XKR5: variants seen among roughly 807,000 people sequenced by gnomAD.
The protein encoded by XKR5 is XK-related protein 5.
XKR5 carries 46 observed loss-of-function variants against 40.8 expected under a neutral mutation model. The ratio of observed to expected loss-of-function variants is 1.13; its 90% CI spans 0.89 to 1.44. The LOEUF (loss-of-function observed/expected upper bound fraction) is 1.44, where lower values mean the gene tolerates loss of function less well. Ranked by LOEUF, XKR5 falls within the 40% of genes most tolerant of loss-of-function variation. XKR5 has a pLI of 0.00. For missense variants in XKR5, 1,169 were observed against 844.7 expected, an observed-to-expected ratio of 1.38 and a Z score of -4.76; for synonymous variants, 466 against 356.1, an observed-to-expected ratio of 1.31 and a Z score of -3.48.
chr8:6,811,129 T>C lies in XKR5; in HGVS notation c.*69A>G. The C allele has an allele frequency of 7.0e-7, 1 of 1,433,458 alleles. No homozygotes were observed. The highest frequency in any genetic ancestry group is 9.2e-7 in the Non-Finnish European group (1 of 1,082,928). 88.8% of individuals were successfully genotyped at this position (1,433,458 alleles called of 1,614,324 possible). On this transcript the variant is annotated 3_prime_UTR_variant, in exon 7 of 7. Transcript: ENST00000618742. ...GGACACAGGTGTCAGAAGTGGGATT[T>C]CCTTTCTCACGGTACCAAATGGCCA... is the stretch of plus-strand genomic sequence containing the variant.
intron 2 of XKR5, among the ~76,000 whole-genome samples, chr8:6,827,508 C>G (rs1804564308): frequency 6.6e-6 from 1 of 152,096 alleles, no homozygotes; most frequent in Non-Finnish European, 1.5e-5. Flanking sequence ...TGCTGAGATC[C>G]CAGGACAGAT....
chr8:6,825,894 C>T (rs1031719092), intron 2 of XKR5, among the ~76,000 whole-genome samples: 1 of 152,136 alleles, frequency 6.6e-6, no homozygotes, highest in Non-Finnish European at 1.5e-5. Context: ...TGGGGAGTGG[C>T]CAGAGGTCCA....
chr8:6,818,068 G>A (rs549212043), intron 5 of XKR5, among the ~76,000 whole-genome samples: 1 of 152,278 alleles, frequency 6.6e-6, no homozygotes, highest in South Asian at 2.1e-4. Flanking sequence ...ACTTGAAGGT[G>A]GGTTCAGTTC....
rs369265259 is a variant in XKR5, at chr8:6,811,993, G to A, written c.1266C>T (p.Ala422=). 1.1e-4 allele frequency: 163 copies of A among 1,537,150 alleles called. No individual in the cohort carries two copies. Among genetic ancestry groups the A allele is most frequent in the African/African-American group, 2.2e-4 (16 of 73,046 alleles). The change falls in exon 7 of 7, where the codon GCC becomes GCT. Residue 422 remains alanine, a synonymous_variant. Transcript: ENST00000618742. ...LKTGNVSKIN[A]AFGDNSPAYC... Reference sequence around the variant, plus strand: ...AGGCAGGACTGTTATCTCCAAAGGCGGCATTGATCTTAGACACATTTCCTG... The same window carrying A: ...AGGCAGGACTGTTATCTCCAAAGGCAGCATTGATCTTAGACACATTTCCTG...
At chr8:6,828,767 C>A (rs1184265088) in intron 2 of XKR5, among the ~76,000 whole-genome samples, 1 of 152,148 alleles carries the variant, frequency 6.6e-6, no homozygotes, top group African/African-American at 2.4e-5. Flanking sequence ...GCTCATTTGC[C>A]CATATTATTC....
intron 1 of XKR5, 75 bp downstream of exon 1, chr8:6,835,361 G>C: frequency 7.5e-7 from 1 of 1,333,530 alleles, no homozygotes; most frequent in South Asian, 1.8e-5. Flanking sequence ...GGCATAGGCA[G>C]CCTGTGCGGC....
chr8:6,821,094 G>A (rs1030113933), intron 5 of XKR5, among the ~76,000 whole-genome samples: 2 of 152,304 alleles, frequency 1.3e-5, no homozygotes, highest in Admixed American at 6.5e-5. Context: ...GAAAAAGTAG[G>A]TTCAGACAGT....
intron 5 of XKR5, 103 bp from the exon 6 acceptor site, chr8:6,816,021 G>A: frequency 1.2e-6 from 1 of 802,900 alleles, no homozygotes; most frequent in Non-Finnish European, 2.0e-6. Context: ...TCCATCCTGA[G>A]TGCCCACTGG....
chr8:6,821,498 T>A (rs1479234129), intron 5 of XKR5, among the ~76,000 whole-genome samples: 1 of 152,232 alleles, frequency 6.6e-6, no homozygotes, highest in Non-Finnish European at 1.5e-5. Context: ...GGGCCATGCC[T>A]GGATCTTATT....
At chr8:6,822,456 C>T (rs971856395) in intron 4 of XKR5, among the ~76,000 whole-genome samples, 1 of 152,064 alleles carries the variant, frequency 6.6e-6, no homozygotes, top group African/African-American at 2.4e-5. Flanking sequence ...AATTTTTATG[C>T]CCATATTTTA....
intron 6 of XKR5, among the ~76,000 whole-genome samples, chr8:6,813,501 T>C (rs1460394196): frequency 6.6e-6 from 1 of 152,170 alleles, no homozygotes; most frequent in Non-Finnish European, 1.5e-5. Context: ...CAGTTGGTAC[T>C]CAGTGAATAT....
At chr8:6,812,878 C>A (rs189031175) in intron 6 of XKR5, among the ~76,000 whole-genome samples, 3 of 152,298 alleles carry the variant, frequency 2.0e-5, no homozygotes, top group Admixed American at 6.5e-5. Flanking sequence ...TTTCCATGAA[C>A]AACAACAACA....
chr8:6,833,761 C>T (rs931029112), intron 1 of XKR5, among the ~76,000 whole-genome samples: 3 of 152,202 alleles, frequency 2.0e-5, no homozygotes, highest in Non-Finnish European at 4.4e-5. Context: ...GTCCCCATCA[C>T]CAGCAAGAGT....
At chr8:6,817,848 C>G (rs924536171) in intron 5 of XKR5, among the ~76,000 whole-genome samples, 7 of 152,238 alleles carry the variant, frequency 4.6e-5, no homozygotes, top group Admixed American at 1.3e-4. Flanking sequence ...AGGACTGACT[C>G]CTGCCTCCTG....
At chr8:6,822,308 A>G (rs1164466776) in intron 4 of XKR5, among the ~76,000 whole-genome samples, 4 of 152,236 alleles carry the variant, frequency 2.6e-5, no homozygotes. Context: ...CTTGCCAAAT[A>G]TTGTATACCT....
intron 1 of XKR5, among the ~76,000 whole-genome samples, chr8:6,834,089 C>G (rs1804890579): frequency 6.6e-6 from 1 of 152,160 alleles, no homozygotes; most frequent in African/African-American, 2.4e-5. Context: ...GGGGAACTCC[C>G]TGGCCTGGAA....
intron 2 of XKR5, among the ~76,000 whole-genome samples, chr8:6,829,771 C>T (rs900813110): frequency 2.0e-5 from 3 of 151,508 alleles, no homozygotes; most frequent in African/African-American, 7.3e-5. Flanking sequence ...CCTGCCTCCA[C>T]CTCCTAAAGC....
At chr8:6,818,299 C>A (rs371509644) in intron 5 of XKR5, among the ~76,000 whole-genome samples, 3 of 152,224 alleles carry the variant, frequency 2.0e-5, no homozygotes, top group Non-Finnish European at 4.4e-5. Flanking sequence ...CATAGCACAT[C>A]GTGCAGGTCC....
intron 6 of XKR5, among the ~76,000 whole-genome samples, chr8:6,814,641 G>A (rs941844257): frequency 6.6e-5 from 10 of 152,272 alleles, no homozygotes; most frequent in South Asian, 4.1e-4. Flanking sequence ...GGGGAGCTCT[G>A]TATTATTTCT....
Sources: gnomAD v4.1 joint callset for allele counts (sites outside exome capture counted in the v4.1 genomes callset) on GRCh38, gnomAD v4.1.1 for gene constraint, MANE v1.5 for transcripts, NCBI Gene and HGNC (gene_info 2026-07-23, HGNC 2026-07-21) for gene names.